WTIP: variants seen among roughly 807,000 people sequenced by gnomAD.
The protein encoded by WTIP is Wilms tumor protein 1-interacting protein.
Under a neutral mutation model 41.7 loss-of-function variants are expected in WTIP, and 23 were observed. The observed-to-expected ratio is 0.55, with a 90% confidence interval of 0.40 to 0.78. The LOEUF is 0.78. WTIP is among the 30% of genes least tolerant of loss of function. The probability of loss-of-function intolerance (pLI) is 0.00; values close to 1 mark genes in which losing one functional copy is unlikely to be tolerated. For synonymous variants in WTIP, 314 were observed against 269.9 expected, an observed-to-expected ratio of 1.16 and a Z score of -1.60; for missense variants, 619 against 610.5, an observed-to-expected ratio of 1.01 and a Z score of -0.15.
intron 6 of WTIP, among the ~76,000 whole-genome samples, 155 bp downstream of exon 6, chr19:34,494,792 T>C (rs1395809071): frequency 3.3e-5 from 5 of 152,192 alleles, no homozygotes; most frequent in African/African-American, 1.2e-4. Context: ...GTGTTGTGCT[T>C]GTGTACGTGG....
At position 34,481,864 on chromosome 19, in the gene WTIP, C is replaced by T. The variant is rs2145586519; in HGVS notation, c.-111C>T. On this transcript the variant is annotated 5_prime_UTR_variant, in exon 1 of 8. Coordinates refer to ENST00000590071, the MANE Select transcript of WTIP (RefSeq NM_001080436.2). ...CGCCGGCCCCGCCCCGCCCCGCGCCCAGGGGTCCCGGGGCGGGCTCCGGGC... is the reference window on the plus strand; with the variant it reads ...CGCCGGCCCCGCCCCGCCCCGCGCCTAGGGGTCCCGGGGCGGGCTCCGGGC... The T allele has an allele frequency of 1.6e-6, 1 of 614,528 alleles. No individual in the cohort carries two copies. Among genetic ancestry groups the T allele is most frequent in the Non-Finnish European group, 2.0e-6 (1 of 492,716 alleles). 38.1% of individuals were successfully genotyped at this position (614,528 alleles called of 1,614,324 possible). A position where few individuals can be genotyped will look rare whatever the true frequency, so the allele number is the denominator to read the frequency against.
rs1417175332 is a variant in WTIP, at chr19:34,483,959, G to A, written c.667+1318G>A. On this transcript the variant is annotated intron_variant, in intron 1 of 7. Coordinates refer to ENST00000590071, the MANE Select transcript of WTIP (RefSeq NM_001080436.2). ...TTTTTTTTTTTTGAGACGGAATCTC[G>A]CTCTGTCGCCAGGCTGGAGTGCAGT... Among the ~76,000 whole-genome samples the A allele has an allele frequency of 1.5e-4, 18 of 116,542 alleles. No individual in the cohort carries two copies. In the Admixed American group the frequency reaches 2.3e-3, roughly 15 times the overall value. 76.5% of individuals were successfully genotyped at this position (116,542 alleles called of 152,430 possible).
Position 34,500,159 on chromosome 19 carries a change from G to A in WTIP, c.1183G>A (p.Gly395Arg). 2.5e-6 allele frequency: 4 copies of A among 1,601,320 alleles called. No homozygotes were observed. Among genetic ancestry groups the A allele is most frequent in the East Asian group, 4.5e-5 (2 of 44,854 alleles). Residue 395 changes from glycine (G) to arginine (R), a missense_variant, in exon 8 of 8, where the codon GGA (glycine) becomes AGA (arginine). Physicochemically the swap from Gly to Arg is moderately radical, Grantham distance 125. This residue lies in a region of WTIP where 92 missense variants were observed against 82.4 expected (regional missense o/e 1.12). Transcript: ENST00000590071. ...CGGGCTGCAGCTGAGCGGGGAGGAG[G>A]GACGCCGTTGCTATCCCCTGGCGGG... ...DCGLQLSGEE[G>R]RRCYPLAGHL... is the part of the protein sequence containing the mutation.
At position 34,482,571 on chromosome 19, in the gene WTIP, G is replaced by A. The variant is rs8107479; in HGVS notation, c.597G>A (p.Glu199=). Residue 199 remains glutamate (E), a synonymous_variant, in exon 1 of 8, where the codon GAG becomes GAA. Coordinates refer to ENST00000590071, the MANE Select transcript of WTIP (RefSeq NM_001080436.2). The stretch of plus-strand genomic sequence containing the variant: ...GGGAGGGCGGCCCAAGCGCGGCCGA[G>A]CGGCGGCTGGAGGCGCTCACCCGGG... ...PGREGGPSAA[E]RRLEALTREL... is the part of the protein sequence containing the mutation. 967,168 of 1,229,402 alleles carry A rather than the reference G, an allele frequency of 0.79. 388,495 individuals are homozygous for A. Among genetic ancestry groups the A allele is most frequent in the East Asian group, 0.84 (26,451 of 31,434 alleles). 76.2% of individuals were successfully genotyped at this position (1,229,402 alleles called of 1,614,324 possible).
At chr19:34,487,371 G>A (rs961385639) in intron 1 of WTIP, among the ~76,000 whole-genome samples, 2 of 152,080 alleles carry the variant, frequency 1.3e-5, no homozygotes, top group Non-Finnish European at 2.9e-5. Context: ...GAAAGTGTTG[G>A]GATTACAGGC....
At chr19:34,492,930 A>G (rs2075833016) in intron 2 of WTIP, 107 bp from the exon 3 acceptor site, 2 of 1,088,672 alleles carry the variant, frequency 1.8e-6, no homozygotes, top group Admixed American at 1.9e-5. Flanking sequence ...AAAACCACCC[A>G]TAACCCAGTG....
At chr19:34,487,339 T>C (rs941252263) in intron 1 of WTIP, among the ~76,000 whole-genome samples, 10 of 152,126 alleles carry the variant, frequency 6.6e-5, no homozygotes, top group Non-Finnish European at 5.9e-5. Context: ...TGGCCTCAAG[T>C]GATCAACCCT....
intron 6 of WTIP, 28 bp from the exon 7 acceptor site, chr19:34,495,675 C>T (rs371700018): frequency 5.5e-5 from 89 of 1,612,744 alleles, no homozygotes; most frequent in Admixed American, 2.8e-4. Flanking sequence ...ACATGCTCAT[C>T]GTGTGTGAAC....
chr19:34,499,238 C>T (rs542353106), intron 7 of WTIP, among the ~76,000 whole-genome samples: 4 of 150,318 alleles, frequency 2.7e-5, no homozygotes, highest in Admixed American at 2.0e-4. Context: ...AGGCCAGGCA[C>T]GGTGGCTCAT....
intron 1 of WTIP, among the ~76,000 whole-genome samples, chr19:34,488,098 C>T (rs948966123): frequency 8.6e-5 from 13 of 151,478 alleles, no homozygotes; most frequent in African/African-American, 1.9e-4. Context: ...TTCTTTGAGA[C>T]GGAGTCTTAC....
rs778439238 is a variant in WTIP at position 34,493,542 on chromosome 19, C to T, written c.951C>T (p.Ser317=). The change falls in exon 5 of 8, where the codon TCC becomes TCT. Residue 317 remains serine (S), a synonymous_variant. Coordinates refer to ENST00000590071, the MANE Select transcript of WTIP (RefSeq NM_001080436.2). This position sits in a 1 kb window ranked among gnomAD's most constrained non-coding sequence, Gnocchi z 4.1. ...ACCACCCAGGCTGCTTCCGGTGCTC[C>T]GTGTGCAATGAGTGCCTGGACGGGG... ...KSYHPGCFRC[S]VCNECLDGVP... 6.8e-6 allele frequency: 11 copies of T among 1,613,722 alleles called. No homozygotes were observed. Among genetic ancestry groups the T allele is most frequent in the East Asian group, 2.2e-5 (1 of 44,874 alleles).
Position 34,510,098 on chromosome 19 carries a change from T to G in WTIP, c.*9829T>G, listed in dbSNP as rs1471314371. The G allele has an allele frequency of 1.3e-5, 2 of 152,240 alleles. No individual in the cohort carries two copies. The highest frequency in any genetic ancestry group is 4.1e-4 in the South Asian group (2 of 4,832). The allele number at this position is 152,240 out of a possible 1,614,324, so 9.4% of individuals were successfully genotyped here. On this transcript the variant is annotated 3_prime_UTR_variant, in exon 8 of 8. Transcript: ENST00000590071. The stretch of plus-strand genomic sequence containing the variant: ...TGATGTTTGGAGGATGGTGGCCTTC[T>G]TCTTACAGCTCTACTAGGCAGTACC...
chr19:34,485,123 G>A (rs944371478), intron 1 of WTIP, among the ~76,000 whole-genome samples: 11 of 151,862 alleles, frequency 7.2e-5, no homozygotes, highest in African/African-American at 2.4e-4. Flanking sequence ...TTGCTCTGTC[G>A]CCCAGGCTGG....
intron 1 of WTIP, among the ~76,000 whole-genome samples, chr19:34,486,701 C>A (rs1315268302): frequency 1.3e-5 from 2 of 151,988 alleles, no homozygotes; most frequent in East Asian, 3.9e-4. Flanking sequence ...CTCTCAACAA[C>A]CTTCCTCCCT....
chr19:34,491,292 A>G (rs148346191), intron 2 of WTIP, among the ~76,000 whole-genome samples: 1 of 152,090 alleles, frequency 6.6e-6, no homozygotes, highest in Non-Finnish European at 1.5e-5. Context: ...CCTTAATCAG[A>G]CATCTTTTAT....
chr19:34,494,627 T>C lies in WTIP; in HGVS notation c.1073T>C (p.Leu358Pro). Residue 358 changes from leucine to proline, a missense_variant, in exon 6 of 8, where the codon CTC becomes CCC. By Grantham distance (98) the Leu-to-Pro change is moderately conservative (BLOSUM62 -3). Around this residue, in one of 3 missense-constraint regions of WTIP, gnomAD observed 164 missense variants for 219.1 expected, o/e 0.75. Coordinates refer to ENST00000590071, the MANE Select transcript of WTIP (RefSeq NM_001080436.2). ...TGCGCCTCCTGTGCCCGTCCTATCC[T>C]CCCTGCACAGGTAGGAGCCACTCAC... The part of the protein sequence containing the change: ...PKCASCARPI[L>P]PAQGCETTIR... The C allele has an allele frequency of 6.2e-7, 1 of 1,613,486 alleles. No individual in the cohort carries two copies. Among genetic ancestry groups the C allele is most frequent in the Non-Finnish European group, 8.5e-7 (1 of 1,179,736 alleles).
Position 34,500,322 on chromosome 19 carries a change from C to T in WTIP, c.*53C>T, listed in dbSNP as rs781315935. On this transcript the variant is annotated 3_prime_UTR_variant, in exon 8 of 8. Transcript: ENST00000590071. Reference sequence around the variant, plus strand: ...GGTGGGTGTGGGTGTGGAGGGAGGGCCCGCGTGGGTGGCCCTGGTCAGCGT... The same window carrying T: ...GGTGGGTGTGGGTGTGGAGGGAGGGTCCGCGTGGGTGGCCCTGGTCAGCGT... The T allele has an allele frequency of 1.3e-6, 2 of 1,501,806 alleles. No individual in the cohort carries two copies. Among genetic ancestry groups the T allele is most frequent in the Non-Finnish European group, 1.8e-6 (2 of 1,122,866 alleles). 93.0% of individuals were successfully genotyped at this position (1,501,806 alleles called of 1,614,324 possible). A position where few individuals can be genotyped will look rare whatever the true frequency, so the allele number is the denominator to read the frequency against.
At chr19:34,482,964 T>C (rs1340927394) in intron 1 of WTIP, among the ~76,000 whole-genome samples, 1 of 151,336 alleles carries the variant, frequency 6.6e-6, no homozygotes, top group African/African-American at 2.4e-5. Flanking sequence ...AGCCATTTTC[T>C]GATAATTTTT....
chr19:34,490,968 C>T (rs2075822452), intron 2 of WTIP, among the ~76,000 whole-genome samples: 1 of 151,832 alleles, frequency 6.6e-6, no homozygotes, highest in East Asian at 1.9e-4. Context: ...ATTATAGGCA[C>T]ACGTGCCACC....
Sources: allele counts gnomAD v4.1 joint callset (sites outside exome capture counted in the v4.1 genomes callset), GRCh38; gene constraint gnomAD v4.1.1; regional missense constraint gnomAD v4.1.1; non-coding constraint Gnocchi (gnomAD v3.1); transcripts MANE v1.5; gene names NCBI Gene and HGNC (gene_info 2026-07-23, HGNC 2026-07-21).